RANBP10: variants seen among roughly 807,000 people sequenced by gnomAD.
RANBP10 encodes the protein RAN binding protein 10.
Under a neutral mutation model 72.8 loss-of-function variants are expected in RANBP10, and 24 were observed. That is an observed-to-expected ratio of 0.33 (90% CI 0.24 to 0.46). The LOEUF is 0.46. RANBP10 is among the 20% of genes least tolerant of loss of function. The probability of loss-of-function intolerance (pLI) is 1.00; values close to 1 mark genes in which losing one functional copy is unlikely to be tolerated. For missense variants in RANBP10, 679 were observed against 817.5 expected, an observed-to-expected ratio of 0.83 and a Z score of 2.07; for synonymous variants, 310 against 322.3, an observed-to-expected ratio of 0.96 and a Z score of 0.41.
Position 67,729,525 on chromosome 16 carries a change from C to G in RANBP10, c.1148-41G>C. ...ACAGTCAGAAGAGGAGGGGCAGCTT[C>G]CCATGAAATGAAGCCCCAAGAACAA... On this transcript the variant is annotated intron_variant, in intron 9 of 13. Transcript: ENST00000317506. This position sits in a 1 kb window ranked among gnomAD's most constrained non-coding sequence, Gnocchi z 7.1. 6.3e-7 allele frequency: 1 copy of G among 1,588,936 alleles called. No individual in the cohort carries two copies. Among genetic ancestry groups the G allele is most frequent in the Non-Finnish European group, 8.6e-7 (1 of 1,167,490 alleles).
chr16:67,757,007 C>T (rs1392733683), intron 3 of RANBP10, among the ~76,000 whole-genome samples: 1 of 152,140 alleles, frequency 6.6e-6, no homozygotes, highest in East Asian at 1.9e-4. Context: ...GAGTTCGAGA[C>T]CACCCTGACC....
chr16:67,790,185 T>A (rs2054998029), intron 2 of RANBP10, among the ~76,000 whole-genome samples: 1 of 151,122 alleles, frequency 6.6e-6, no homozygotes, highest in African/African-American at 2.4e-5. Context: ...CTATGTGAAA[T>A]GGGTCAGACA....
intron 3 of RANBP10, among the ~76,000 whole-genome samples, chr16:67,750,901 G>A (rs1046945315): frequency 2.0e-5 from 3 of 151,848 alleles, no homozygotes; most frequent in Admixed American, 2.0e-4. Flanking sequence ...CAAGTAGCTG[G>A]GACTACAGGC....
chr16:67,749,222 C>T (rs911248044), intron 3 of RANBP10, among the ~76,000 whole-genome samples: 6 of 152,182 alleles, frequency 3.9e-5, no homozygotes, highest in African/African-American at 1.4e-4. Flanking sequence ...TTTAAATCAG[C>T]GAGCACAAAG....
Position 67,734,959 on chromosome 16 carries a change from G to C in RANBP10, c.675C>G (p.Asp225Glu), listed in dbSNP as rs554377363. 4 of 1,614,148 alleles carry C rather than the reference G, an allele frequency of 2.5e-6. No individual in the cohort carries two copies. In the South Asian group the frequency reaches 3.3e-5, roughly 13 times the overall value. ...GCCACTCCCGCATGTAGTCCTCAATGTCAAACAGGAAGGGCTGCTGCCCAA... is the reference window on the plus strand; with the variant it reads ...GCCACTCCCGCATGTAGTCCTCAATCTCAAACAGGAAGGGCTGCTGCCCAA... Reference protein sequence around the residue: ...ANFGQQPFLFDIEDYMREWRA... With the variant: ...ANFGQQPFLFEIEDYMREWRA... The change falls in exon 6 of 14, where the codon GAC becomes GAG. Residue 225 changes from aspartate to glutamate, a missense_variant. By Grantham distance (45) the Asp-to-Glu change is conservative (BLOSUM62 2). Coordinates refer to ENST00000317506, the MANE Select transcript of RANBP10 (RefSeq NM_020850.3).
intron 2 of RANBP10, among the ~76,000 whole-genome samples, chr16:67,798,729 A>G (rs2055177535): frequency 2.0e-5 from 3 of 151,986 alleles, no homozygotes; most frequent in African/African-American, 7.3e-5. Context: ...CTATGAGAAA[A>G]CCATGCTAGA....
chr16:67,804,487 C>G (rs547659149), intron 2 of RANBP10, among the ~76,000 whole-genome samples: 1 of 152,016 alleles, frequency 6.6e-6, no homozygotes, highest in East Asian at 1.9e-4. Flanking sequence ...CTACAACCTC[C>G]ACCTCCCATG....
chr16:67,731,923 T>A (rs1398287396), intron 6 of RANBP10, among the ~76,000 whole-genome samples: 1 of 152,160 alleles, frequency 6.6e-6, no homozygotes, highest in African/African-American at 2.4e-5. Flanking sequence ...GGCTGCCTCT[T>A]TGGGAAATGC....
chr16:67,750,761 CTTTT>C (rs914921755), intron 3 of RANBP10, among the ~76,000 whole-genome samples: 3 of 110,252 alleles, frequency 2.7e-5, no homozygotes, highest in African/African-American at 1.1e-4. Context: ...TTTTCACTTT[CTTTT>C]TTTTTTTTTT....
At chr16:67,768,064 C>CAAA (rs555191487) in intron 3 of RANBP10, among the ~76,000 whole-genome samples, 1 of 89,702 alleles carries the variant, frequency 1.1e-5, no homozygotes, top group Non-Finnish European at 2.4e-5. Flanking sequence ...GACCTTGTCT[C>CAAA]AAAAAAAAAA....
At chr16:67,773,485 G>C (rs2054643723) in intron 2 of RANBP10, among the ~76,000 whole-genome samples, 1 of 152,106 alleles carries the variant, frequency 6.6e-6, no homozygotes, top group South Asian at 2.1e-4. Flanking sequence ...TCCTTTATTG[G>C]CAGTAAATGC....
chr16:67,774,181 C>T (rs2054655733), intron 2 of RANBP10, among the ~76,000 whole-genome samples: 1 of 152,254 alleles, frequency 6.6e-6, no homozygotes, highest in Admixed American at 6.5e-5. Flanking sequence ...CTGATTTAGA[C>T]AACAGCCACT....
chr16:67,800,275 G>T (rs931631529), intron 2 of RANBP10, among the ~76,000 whole-genome samples: 1 of 152,182 alleles, frequency 6.6e-6, no homozygotes, highest in Non-Finnish European at 1.5e-5. Flanking sequence ...CCCTGCTCTG[G>T]GCCTGGGCCC....
chr16:67,735,744 A>G (rs1567677260), intron 5 of RANBP10: 1 of 151,918 alleles, frequency 6.6e-6, no homozygotes, highest in Non-Finnish European at 1.5e-5. Flanking sequence ...CTTGGTGACA[A>G]GAGTGAGTCC....
chr16:67,790,687 C>G lies in RANBP10; in HGVS notation c.347+14741G>C, dbSNP rs142701133. ...GTGAAGAAGGACCCAACTGTTTCTA[C>G]TTTTACCAATTTTTTATTTTTTTAT... On this transcript the variant is annotated intron_variant, in intron 2 of 13. Transcript: ENST00000317506. Among the ~76,000 whole-genome samples the G allele has an allele frequency of 4.3e-4, 65 of 151,762 alleles. 1 individual carries two copies. The East Asian group carries it at 0.012, about 28-fold the overall frequency.
intron 3 of RANBP10, among the ~76,000 whole-genome samples, chr16:67,761,014 T>A (rs1420428477): frequency 6.6e-6 from 1 of 152,210 alleles, no homozygotes; most frequent in East Asian, 1.9e-4. Context: ...GCCTCTGCCC[T>A]TCCCTGCCAG....
rs779469367 is a variant in RANBP10, at chr16:67,726,435, A to C, written c.1856T>G (p.Leu619Trp). The C allele has an allele frequency of 6.2e-7, 1 of 1,612,736 alleles. No homozygotes were observed. Among genetic ancestry groups the C allele is most frequent in the Non-Finnish European group, 8.5e-7 (1 of 1,179,534 alleles). The change falls in exon 14 of 14, where the codon TTG becomes TGG. Residue 619 changes from leucine (L) to tryptophan (W), a missense_variant. Physicochemically the swap from Leu to Trp is moderately conservative, Grantham distance 61. Transcript: ENST00000317506. Reference sequence around the variant, plus strand: ...GCCAGCCAGCACAGTCAGCTAGTGCAAGTAGTCATCAACTCTGGCAAAGGA... The same window carrying C: ...GCCAGCCAGCACAGTCAGCTAGTGCCAGTAGTCATCAACTCTGGCAAAGGA... ...SCSFARVDDYLH is the reference protein window; with the variant it reads ...SCSFARVDDYWH
chr16:67,745,524 G>A (rs781549343), intron 3 of RANBP10, among the ~76,000 whole-genome samples: 5 of 151,436 alleles, frequency 3.3e-5, no homozygotes, highest in Admixed American at 6.6e-5. Context: ...TAGTAGAGAC[G>A]GGGTTTCAAC....
rs902133882 is a variant in RANBP10 at position 67,730,138 on chromosome 16, C to T, written c.890-92G>A. The T allele has an allele frequency of 2.9e-5, 35 of 1,207,112 alleles. No homozygotes were observed. The East Asian group carries it at 3.9e-4, about 13-fold the overall frequency. The allele number at this position is 1,207,112 out of a possible 1,614,324, so 74.8% of individuals were successfully genotyped here. On this transcript the variant is annotated intron_variant, in intron 7 of 13. Transcript: ENST00000317506. The surrounding 1 kb of genome is among the most constrained non-coding windows in gnomAD (Gnocchi z 4.3). ...ATGCTGCCAGCCTCAGGGTAGGGTC[C>T]GGCTCAGAGTGCCTCGCCAGCTTGA... is the stretch of plus-strand genomic sequence containing the variant.
Sources: gnomAD v4.1 joint callset for allele counts (sites outside exome capture counted in the v4.1 genomes callset) on GRCh38, gnomAD v4.1.1 for gene constraint, Gnocchi (gnomAD v3.1) non-coding constraint, MANE v1.5 for transcripts, NCBI Gene and HGNC (gene_info 2026-07-23, HGNC 2026-07-21) for gene names.